The following ZNF407 variants were observed in gnomAD, a reference collection of about 807,000 sequenced individuals.
The protein encoded by ZNF407 is zinc finger protein 407.
Under a neutral mutation model 131.2 loss-of-function variants are expected in ZNF407, and 17 were observed. The ratio of observed to expected loss-of-function variants is 0.13; its 90% confidence interval spans 0.09 to 0.19. The LOEUF is 0.19. ZNF407 is among the 10% of genes least tolerant of loss of function. The pLI is 1.00. For missense variants in ZNF407, 2,681 were observed against 2,830.6 expected (o/e 0.95, Z 1.20); for synonymous variants, 1,156 against 1,062.0 (o/e 1.09, Z -1.72).
At chr18:74,821,800 T>C (rs924043745) in intron 4 of ZNF407, among the ~76,000 whole-genome samples, 24 of 152,340 alleles carry the variant, frequency 1.6e-4, no homozygotes, top group African/African-American at 5.5e-4. Context: ...ATGGGATTGC[T>C]GGGTCAAATG....
At chr18:74,648,425 T>C (rs1985074272) in intron 3 of ZNF407, among the ~76,000 whole-genome samples, 1 of 152,130 alleles carries the variant, frequency 6.6e-6, no homozygotes, top group Non-Finnish European at 1.5e-5. Context: ...TGCTGAGGTG[T>C]TGAATGCTGG....
intron 4 of ZNF407, among the ~76,000 whole-genome samples, chr18:74,815,104 A>C (rs978247529): frequency 6.6e-6 from 1 of 152,106 alleles, no homozygotes; most frequent in Non-Finnish European, 1.5e-5. Context: ...ATATTTTATC[A>C]GTAGAATTTT....
At chr18:74,868,514 A>C (rs1472190296) in intron 4 of ZNF407, among the ~76,000 whole-genome samples, 1 of 152,234 alleles carries the variant, frequency 6.6e-6, no homozygotes, top group African/African-American at 2.4e-5. Flanking sequence ...TATATACCAA[A>C]GCCAAACTTC....
At chr18:74,766,692 A>T (rs1474468222) in intron 3 of ZNF407, among the ~76,000 whole-genome samples, 1 of 152,228 alleles carries the variant, frequency 6.6e-6, no homozygotes, top group East Asian at 1.9e-4. Flanking sequence ...CATGTTCAGT[A>T]CACAATCAAC....
chr18:74,630,157 A>G (rs1033298348), intron 1 of ZNF407, among the ~76,000 whole-genome samples: 4 of 150,436 alleles, frequency 2.7e-5, no homozygotes, highest in African/African-American at 9.8e-5. Flanking sequence ...AAAGGATGAA[A>G]CAGTGGTGTC....
At chr18:74,701,839 G>A (rs916953429) in intron 3 of ZNF407, among the ~76,000 whole-genome samples, 4 of 152,106 alleles carry the variant, frequency 2.6e-5, no homozygotes, top group Non-Finnish European at 5.9e-5. Flanking sequence ...ATTGTAAAGA[G>A]AGACTATTTT....
intron 8 of ZNF407, among the ~76,000 whole-genome samples, chr18:75,017,004 C>T (rs180849882): frequency 2.0e-5 from 3 of 152,120 alleles, no homozygotes; most frequent in Non-Finnish European, 4.4e-5. Context: ...AAACAGGACT[C>T]GAGTGTAAGC....
At chr18:74,761,991 T>C (rs1437595639) in intron 3 of ZNF407, among the ~76,000 whole-genome samples, 1 of 152,146 alleles carries the variant, frequency 6.6e-6, no homozygotes, top group African/African-American at 2.4e-5. Context: ...AAGAAAGTTA[T>C]AGTCGTAGAA....
In ZNF407 at chr18:74,836,983, G is replaced by A. The variant is rs1436540615; in HGVS notation, c.4878-40214G>A. On this transcript the variant is annotated intron_variant, in intron 4 of 8. Transcript: ENST00000299687. Reference sequence around the variant, plus strand: ...ACCAACCTGACTCAAGTGGAAATGTGCTACTGCAGAAGGCTGTCCCACATT... The same window carrying A: ...ACCAACCTGACTCAAGTGGAAATGTACTACTGCAGAAGGCTGTCCCACATT... Among the ~76,000 whole-genome samples the A allele has an allele frequency of 2.0e-5, 3 of 152,248 alleles. No homozygotes were observed. In the South Asian group the frequency reaches 6.2e-4, roughly 32 times the overall value.
chr18:74,738,246 C>A (rs557545746), intron 3 of ZNF407, among the ~76,000 whole-genome samples: 17 of 151,682 alleles, frequency 1.1e-4, no homozygotes, highest in Admixed American at 5.9e-4. Flanking sequence ...ATGGTGAAAC[C>A]CTGTCTCTAC....
rs1370982674 is a variant in ZNF407, at chr18:75,012,343, G to A, written c.5429-50807G>A. Among the ~76,000 whole-genome samples, 5 of 102,190 alleles carry A rather than the reference G, an allele frequency of 4.9e-5. 2 individuals carry two copies. The highest frequency in any genetic ancestry group is 1.8e-4 in the African/African-American group (5 of 28,302). The allele number at this position is 102,190 out of a possible 152,430, so 67.0% of individuals were successfully genotyped here. A position where few individuals can be genotyped will look rare whatever the true frequency, so the allele number is the denominator to read the frequency against. ...TACACATAGTGTATGTACACATAGT[G>A]TATGTACACATAGTGTATGTACACA... On this transcript the variant is annotated intron_variant, in intron 8 of 8. Coordinates refer to ENST00000299687, the MANE Select transcript of ZNF407 (RefSeq NM_017757.3).
intron 3 of ZNF407, among the ~76,000 whole-genome samples, chr18:74,658,234 T>C (rs1044698704): frequency 6.6e-6 from 1 of 152,064 alleles, no homozygotes; most frequent in African/African-American, 2.4e-5. Context: ...TTCTCCTGCC[T>C]CAGCCTCCCG....
At chr18:74,875,249 A>G (rs1432563352) in intron 4 of ZNF407, among the ~76,000 whole-genome samples, 1 of 152,212 alleles carries the variant, frequency 6.6e-6, no homozygotes, top group Non-Finnish European at 1.5e-5. Flanking sequence ...TGTAGAACAC[A>G]TGAGGTTTTC....
intron 3 of ZNF407, among the ~76,000 whole-genome samples, chr18:74,731,081 A>G (rs1968283717): frequency 6.6e-6 from 1 of 152,228 alleles, no homozygotes; most frequent in Non-Finnish European, 1.5e-5. Flanking sequence ...ACCTCTTTAG[A>G]AGGAGAGAAG....
chr18:74,672,452 T>C (rs552409125), intron 3 of ZNF407, among the ~76,000 whole-genome samples: 1 of 151,410 alleles, frequency 6.6e-6, no homozygotes, highest in East Asian at 1.9e-4. Context: ...TGTCTGTTCA[T>C]TGGAGCACTG....
chr18:74,694,157 G>A (rs950509873), intron 3 of ZNF407, among the ~76,000 whole-genome samples: 3 of 152,064 alleles, frequency 2.0e-5, no homozygotes, highest in African/African-American at 7.2e-5. Flanking sequence ...AAGAATGTTG[G>A]ATTTTTTTCC....
rs7230109 is a variant in ZNF407, at chr18:74,930,439, G to A, written c.5428+9747G>A. 7.2e-5 allele frequency among the ~76,000 whole-genome samples: 11 copies of A among 152,194 alleles called. 1 individual carries two copies. The highest frequency in any genetic ancestry group is 2.4e-4 in the African/African-American group (10 of 41,512). On this transcript the variant is annotated intron_variant, in intron 8 of 8. Coordinates refer to ENST00000299687, the MANE Select transcript of ZNF407 (RefSeq NM_017757.3). ...TCTTGGAGAGAGCCTTTCAGACCAC[G>A]AAAATAGCCTATTTCTCCCCAGTCA...
chr18:74,953,707 A>G (rs1170843633), intron 8 of ZNF407, among the ~76,000 whole-genome samples: 1 of 152,260 alleles, frequency 6.6e-6, no homozygotes, highest in East Asian at 1.9e-4. Context: ...ATAGAAATAT[A>G]GAGGATTTGT....
intron 3 of ZNF407, among the ~76,000 whole-genome samples, chr18:74,733,503 TATC>T (rs1275113685): frequency 5.3e-5 from 8 of 152,226 alleles, no homozygotes; most frequent in African/African-American, 1.9e-4. Flanking sequence ...ATCTGTTTCT[TATC>T]ATTTGATTTA....
Sources: allele counts gnomAD v4.1 joint callset (sites outside exome capture counted in the v4.1 genomes callset), GRCh38; gene constraint gnomAD v4.1.1; transcripts MANE v1.5; gene names NCBI Gene and HGNC (gene_info 2026-07-23, HGNC 2026-07-21).